DCAF6: variants seen among roughly 807,000 people sequenced by gnomAD.
DCAF6 encodes DDB1 and CUL4 associated factor 6.
In DCAF6, 54 loss-of-function variants were observed where a neutral mutation model predicts 125.1. The ratio of observed to expected loss-of-function variants is 0.43; its 90% CI spans 0.35 to 0.54. DCAF6 has a LOEUF of 0.54. Among genes scored for constraint, DCAF6 ranks in the 20% least tolerant of loss-of-function variants. DCAF6 has a pLI of 0.01. For missense variants in DCAF6, 934 were observed against 1,161.7 expected (o/e 0.80, Z 2.85); for synonymous variants, 371 against 390.4 (o/e 0.95, Z 0.58).
rs1285878757 is a variant in DCAF6, at chr1:167,987,581, T to C, written c.525T>C (p.Thr175=). 1 of 1,597,146 alleles carries C rather than the reference T, an allele frequency of 6.3e-7. No homozygotes were observed. Among genetic ancestry groups the C allele is most frequent in the South Asian group, 1.1e-5 (1 of 90,340 alleles). Residue 175 remains threonine (T), a synonymous_variant, in exon 5 of 22, where the codon ACT becomes ACC. Transcript: ENST00000367840. ...TVRWFDTRIK[T]SCTKEDCKDD... The stretch of plus-strand genomic sequence containing the variant: ...GGTGGTTTGATACACGCATCAAAAC[T>C]AGCTGCACAAAAGAAGATTGTAAAG...
upstream of DCAF6, among the ~76,000 whole-genome samples, chr1:167,935,121 G>A (rs1469172228): frequency 6.6e-6 from 1 of 152,082 alleles, no homozygotes. Context: ...ATGATATCCA[G>A]GTCTGTCCAC....
chr1:167,993,247 C>A lies in DCAF6; in HGVS notation c.710C>A (p.Thr237Asn). Residue 237 changes from threonine to asparagine, a missense_variant, in exon 7 of 22, where the codon ACT (threonine) becomes AAT (asparagine). By Grantham distance (65) the Thr-to-Asn change is moderately conservative. Transcript: ENST00000367840. ...RATGNYAGRGTTGMVARFIPS... is the reference protein window; with the variant it reads ...RATGNYAGRGNTGMVARFIPS... The stretch of plus-strand genomic sequence containing the variant: ...TTAGGGAATTATGCAGGTCGAGGGA[C>A]TACTGGAATGGTTGCCCGTTTTATT... 1 of 1,613,950 alleles carries A rather than the reference C, an allele frequency of 6.2e-7. No homozygotes were observed. The highest frequency in any genetic ancestry group is 1.1e-5 in the South Asian group (1 of 91,070).
chr1:167,880,149 C>T, the DCAF6 span: 1 of 1,613,340 alleles, frequency 6.2e-7, no homozygotes, highest in Non-Finnish European at 8.5e-7. Flanking sequence ...GTCCAACGAT[C>T]CCACAGAAGA....
At chr1:168,013,760 AT>A (rs1684602710) in intron 10 of DCAF6, among the ~76,000 whole-genome samples, 1 of 151,730 alleles carries the variant, frequency 6.6e-6, no homozygotes, top group South Asian at 2.1e-4. Context: ...TATTATTATT[AT>A]TTTTTGGTGG....
chr1:168,015,380 GA>G (rs1684827702), intron 10 of DCAF6, among the ~76,000 whole-genome samples: 1 of 151,980 alleles, frequency 6.6e-6, no homozygotes, highest in African/African-American at 2.4e-5. Context: ...TTTGTTATTT[GA>G]TTGAAATTAA....
At chr1:168,008,434 C>T (rs906917158) in intron 10 of DCAF6, among the ~76,000 whole-genome samples, 1 of 152,120 alleles carries the variant, frequency 6.6e-6, no homozygotes. Context: ...AGCTCATCAG[C>T]AAGTTCTTTT....
rs79069945 is a variant in DCAF6 at position 168,054,380 on chromosome 1, T to G, written c.2300+3447T>G. Among the ~76,000 whole-genome samples the G allele has an allele frequency of 4.6e-3, 703 of 152,122 alleles. 8 individuals are homozygous for G. The East Asian group carries it at 0.058, about 13-fold the overall frequency. ...CTTCCTCTTCTTATAAAGCCACCAG[T>G]CCCCACTGACCTGATAACCTATTAA... On this transcript the variant is annotated intron_variant, in intron 17 of 21. Coordinates refer to ENST00000367840, the MANE Select transcript of DCAF6 (RefSeq NM_001198956.2).
chr1:167,891,263 C>T, the DCAF6 span, among the ~76,000 whole-genome samples: 1 of 151,962 alleles, frequency 6.6e-6, no homozygotes, highest in East Asian at 2.0e-4. Context: ...CTTGGCTCAT[C>T]TAACATTTAA....
chr1:167,996,238 TTC>T (rs1216692969), intron 7 of DCAF6, among the ~76,000 whole-genome samples: 3 of 152,160 alleles, frequency 2.0e-5, no homozygotes, highest in Non-Finnish European at 4.4e-5. Context: ...TTTTTGTACT[TTC>T]TGTTTTCCCT....
rs544951504 is a variant in DCAF6, at chr1:167,993,714, A to G, written c.903+274A>G. Among the ~76,000 whole-genome samples the G allele has an allele frequency of 3.3e-5, 5 of 152,164 alleles. No homozygotes were observed. The South Asian group carries it at 8.3e-4, about 25-fold the overall frequency. On this transcript the variant is annotated intron_variant, in intron 7 of 21. Coordinates refer to ENST00000367840, the MANE Select transcript of DCAF6 (RefSeq NM_001198956.2). Reference sequence around the variant, plus strand: ...TGGTGAGCCGAAATCACGCCATCGCACTCCAGCCTGGGCAACAAAAGTGAA... The same window carrying G: ...TGGTGAGCCGAAATCACGCCATCGCGCTCCAGCCTGGGCAACAAAAGTGAA...
the DCAF6 span, among the ~76,000 whole-genome samples, chr1:167,909,731 C>T: frequency 6.6e-6 from 1 of 152,190 alleles, no homozygotes; most frequent in African/African-American, 2.4e-5. Context: ...TACACTCCCT[C>T]AGGCAAGGTA....
At chr1:167,929,302 T>G in the DCAF6 span, among the ~76,000 whole-genome samples, 273 of 151,998 alleles carry the variant, frequency 1.8e-3, no homozygotes, top group African/African-American at 6.4e-3. Flanking sequence ...GAGGTTGCAG[T>G]GAGCCGAGAT....
At chr1:167,872,507 A>C in the DCAF6 span, among the ~76,000 whole-genome samples, 28 of 151,996 alleles carry the variant, frequency 1.8e-4, no homozygotes, top group African/African-American at 6.5e-4. Context: ...AAATGCATGC[A>C]CCTTGTTTCT....
chr1:167,880,009 G>A, the DCAF6 span: 1 of 937,438 alleles, frequency 1.1e-6, no homozygotes, highest in Non-Finnish European at 1.7e-6. Flanking sequence ...AAGTTTCTGA[G>A]GGCAGGGCTC....
chr1:167,942,868 C>T (rs1033644407), intron 1 of DCAF6, among the ~76,000 whole-genome samples: 1 of 151,954 alleles, frequency 6.6e-6, no homozygotes, highest in African/African-American at 2.4e-5. Context: ...AGCTTCATGT[C>T]TTTATACCGA....
In DCAF6 at chr1:168,054,839, C is replaced by T. The variant is rs1459725097; in HGVS notation, c.2300+3906C>T. Reference sequence around the variant, plus strand: ...GTTTGGTTTTTTTTTTTTTTTGAGACGGAGTCTCACTCTGTTGCCCAGGCT... The same window carrying T: ...GTTTGGTTTTTTTTTTTTTTTGAGATGGAGTCTCACTCTGTTGCCCAGGCT... On this transcript the variant is annotated intron_variant, in intron 17 of 21. Coordinates refer to ENST00000367840, the MANE Select transcript of DCAF6 (RefSeq NM_001198956.2). Among the ~76,000 whole-genome samples, 20 of 136,318 alleles carry T rather than the reference C, an allele frequency of 1.5e-4. No homozygotes were observed. In the South Asian group the frequency reaches 4.0e-3, roughly 27 times the overall value. 89.4% of individuals were successfully genotyped at this position (136,318 alleles called of 152,430 possible).
intron 12 of DCAF6, among the ~76,000 whole-genome samples, chr1:168,037,245 TAA>T (rs1449934148): frequency 6.6e-6 from 1 of 152,040 alleles, no homozygotes; most frequent in Non-Finnish European, 1.5e-5. Flanking sequence ...AAAAAAGATA[TAA>T]GTCCTTCATT....
the DCAF6 span, chr1:167,905,097 C>G: frequency 6.2e-7 from 1 of 1,614,216 alleles, no homozygotes; most frequent in Admixed American, 1.7e-5. Context: ...AGCTGCTATT[C>G]TGACTATGGG....
chr1:167,870,505 T>C, the DCAF6 span: 1 of 1,162,028 alleles, frequency 8.6e-7, no homozygotes, highest in Non-Finnish European at 1.2e-6. Context: ...TCTAAAAATA[T>C]CCTTGGGCCA....
Sources: gnomAD v4.1 joint callset for allele counts (sites outside exome capture counted in the v4.1 genomes callset) on GRCh38, gnomAD v4.1.1 for gene constraint, MANE v1.5 for transcripts, NCBI Gene and HGNC (gene_info 2026-07-23, HGNC 2026-07-21) for gene names.